PPP1R9A: variants seen among roughly 807,000 people sequenced by gnomAD.
PPP1R9A encodes the protein neurabin-1.
A neutral mutation model predicts 141.9 loss-of-function variants in PPP1R9A; 59 were observed. The ratio of observed to expected loss-of-function variants is 0.42; its 90% CI spans 0.34 to 0.52. The LOEUF is 0.52. PPP1R9A is among the 20% of genes least tolerant of loss of function. PPP1R9A has a pLI of 0.10. For synonymous variants in PPP1R9A, 500 were observed against 569.7 expected (o/e 0.88, Z 1.74); for missense variants, 1,444 against 1,611.9 (o/e 0.90, Z 1.78).
intron 16 of PPP1R9A, among the ~76,000 whole-genome samples, chr7:95,277,417 A>G (rs1039902217): frequency 6.6e-6 from 1 of 152,064 alleles, no homozygotes; most frequent in Non-Finnish European, 1.5e-5. Context: ...GCTCAGTGGC[A>G]TTGTCTTTTT....
chr7:95,034,739 G>T (rs935795568), intron 2 of PPP1R9A, among the ~76,000 whole-genome samples: 15 of 152,122 alleles, frequency 9.9e-5, no homozygotes, highest in Non-Finnish European at 1.8e-4. Context: ...TTGTACATTT[G>T]TATCAATTAT....
chr7:95,113,025 A>G (rs538758240), intron 3 of PPP1R9A, among the ~76,000 whole-genome samples: 31 of 152,172 alleles, frequency 2.0e-4, no homozygotes, highest in Non-Finnish European at 2.9e-4. Context: ...ACTCACCACT[A>G]TGTAATATAT....
chr7:95,091,182 C>A lies in PPP1R9A; in HGVS notation c.1396-20077C>A, dbSNP rs562025850. 5.3e-5 allele frequency among the ~76,000 whole-genome samples: 8 copies of A among 151,214 alleles called. 1 individual carries two copies. The highest frequency in any genetic ancestry group is 1.9e-4 in the African/African-American group (8 of 41,196). The stretch of plus-strand genomic sequence containing the variant: ...TTAATGTCAGTGTGCAGAAATATTT[C>A]TGTATATCTGTGATTTCATTAAACT... On this transcript the variant is annotated intron_variant, in intron 2 of 19. Transcript: ENST00000433360.
chr7:94,909,400 A>C (rs1197409682), intron 1 of PPP1R9A, among the ~76,000 whole-genome samples: 2 of 152,234 alleles, frequency 1.3e-5, no homozygotes, highest in Non-Finnish European at 2.9e-5. Flanking sequence ...AAAAAGTAAA[A>C]TATGCCGCTG....
chr7:95,117,396 G>A (rs1427334876), intron 3 of PPP1R9A, among the ~76,000 whole-genome samples: 1 of 152,144 alleles, frequency 6.6e-6, no homozygotes, highest in East Asian at 1.9e-4. Context: ...TCTGTGCGTT[G>A]ATTGTGCTCT....
chr7:95,169,660 G>A (rs899928549), intron 5 of PPP1R9A, among the ~76,000 whole-genome samples: 1 of 151,788 alleles, frequency 6.6e-6, no homozygotes, highest in Non-Finnish European at 1.5e-5. Context: ...ATGTACAAAT[G>A]TTTATATCAA....
chr7:95,120,911 C>G, intron 4 of PPP1R9A, 79 bp downstream of exon 4: 1 of 1,456,730 alleles, frequency 6.9e-7, no homozygotes, highest in Non-Finnish European at 9.2e-7. Flanking sequence ...TAGCTTTTTG[C>G]TTTTGTTTGT....
At chr7:95,066,296 C>T (rs984461304) in intron 2 of PPP1R9A, among the ~76,000 whole-genome samples, 1 of 152,180 alleles carries the variant, frequency 6.6e-6, no homozygotes, top group Admixed American at 6.5e-5. Context: ...ATCTTGCATT[C>T]TTGCACTTCC....
intron 2 of PPP1R9A, among the ~76,000 whole-genome samples, chr7:94,946,812 C>G (rs1795944163): frequency 6.6e-6 from 1 of 152,124 alleles, no homozygotes; most frequent in Admixed American, 6.6e-5. Flanking sequence ...AATGCTTGCA[C>G]AAAATGCAAG....
intron 12 of PPP1R9A, among the ~76,000 whole-genome samples, chr7:95,265,325 ACT>A (rs1233974505): frequency 6.6e-6 from 1 of 152,174 alleles, no homozygotes; most frequent in African/African-American, 2.4e-5. Flanking sequence ...AGCTCTATTC[ACT>A]CTCTGTCACA....
chr7:95,142,620 T>C (rs1370616643), intron 4 of PPP1R9A, among the ~76,000 whole-genome samples: 1 of 152,088 alleles, frequency 6.6e-6, no homozygotes, highest in Non-Finnish European at 1.5e-5. Context: ...GACTAGTCTT[T>C]TTCCATTGAA....
intron 12 of PPP1R9A, among the ~76,000 whole-genome samples, chr7:95,264,289 T>C (rs1585531228): frequency 6.6e-6 from 1 of 152,166 alleles, no homozygotes; most frequent in East Asian, 1.9e-4. Context: ...CGAGGCAGTG[T>C]GATGGCATGA....
intron 2 of PPP1R9A, among the ~76,000 whole-genome samples, chr7:94,970,725 T>C (rs1209706840): frequency 2.0e-5 from 3 of 148,356 alleles, no homozygotes; most frequent in African/African-American, 7.5e-5. Flanking sequence ...AACCTCCGCC[T>C]CCTGGGTTCA....
intron 5 of PPP1R9A, among the ~76,000 whole-genome samples, chr7:95,164,626 A>C (rs10227117): frequency 6.6e-6 from 1 of 151,426 alleles, no homozygotes; most frequent in Admixed American, 6.6e-5. Flanking sequence ...TTTCCTGGGC[A>C]TATCCTCTAG....
chr7:95,250,155 C>T lies in PPP1R9A; in HGVS notation c.2296C>T (p.His766Tyr). Residue 766 changes from histidine (H) to tyrosine (Y), a missense_variant, in exon 10 of 20, where the codon CAC becomes TAC. By Grantham distance (83) the His-to-Tyr change is moderately conservative (BLOSUM62 2). Around this residue, in one of 5 missense-constraint regions of PPP1R9A, gnomAD observed 488 missense variants for 542.0 expected, o/e 0.90. Coordinates refer to ENST00000433360, the MANE Select transcript of PPP1R9A (RefSeq NM_001166160.2). The stretch of plus-strand genomic sequence containing the variant: ...CTGGATTGAGGCCCAAACATTATGC[C>T]ACACAGTGAATGAGCATCTCAAAGA... ...SYWIEAQTLCHTVNEHLKETQ... is the reference protein window; with the variant it reads ...SYWIEAQTLCYTVNEHLKETQ... 6.2e-7 allele frequency: 1 copy of T among 1,613,966 alleles called. No individual in the cohort carries two copies. Among genetic ancestry groups the T allele is most frequent in the Non-Finnish European group, 8.5e-7 (1 of 1,179,952 alleles).
At chr7:95,198,144 T>C (rs1011866571) in intron 5 of PPP1R9A, among the ~76,000 whole-genome samples, 1 of 152,150 alleles carries the variant, frequency 6.6e-6, no homozygotes, top group Non-Finnish European at 1.5e-5. Context: ...CCCCCTTCTT[T>C]TCCTTTATGA....
intron 4 of PPP1R9A, among the ~76,000 whole-genome samples, chr7:95,126,309 A>G (rs1246718065): frequency 6.6e-6 from 1 of 152,158 alleles, no homozygotes; most frequent in Non-Finnish European, 1.5e-5. Flanking sequence ...GTAACTATCC[A>G]GTAACATTAA....
intron 5 of PPP1R9A, among the ~76,000 whole-genome samples, chr7:95,196,593 T>A (rs1454893020): frequency 6.6e-6 from 1 of 152,146 alleles, no homozygotes; most frequent in Non-Finnish European, 1.5e-5. Context: ...AAATGTGGTA[T>A]ATTGAATACA....
At chr7:94,988,401 A>G (rs745457687) in intron 2 of PPP1R9A, among the ~76,000 whole-genome samples, 7 of 152,140 alleles carry the variant, frequency 4.6e-5, no homozygotes, top group African/African-American at 7.2e-5. Flanking sequence ...ATTGGATAAG[A>G]CACCAGCTCA....
Sources: allele counts gnomAD v4.1 joint callset (sites outside exome capture counted in the v4.1 genomes callset), GRCh38; gene constraint gnomAD v4.1.1; regional missense constraint gnomAD v4.1.1; transcripts MANE v1.5; gene names NCBI Gene and HGNC (gene_info 2026-07-23, HGNC 2026-07-21).